The following DAB1 variants were observed in gnomAD, a reference collection of about 807,000 sequenced individuals.
DAB1 encodes disabled homolog 1.
A neutral mutation model predicts 64.6 loss-of-function variants in DAB1; 15 were observed. The ratio of observed to expected loss-of-function variants is 0.23; its 90% CI spans 0.16 to 0.36. The LOEUF is 0.36. DAB1 is among the 10% of genes least tolerant of loss of function. The pLI is 1.00. For synonymous variants in DAB1, 235 were observed against 251.9 expected (o/e 0.93, Z 0.64); for missense variants, 596 against 706.7 (o/e 0.84, Z 1.78).
At chr1:58,222,033 T>C (rs1051404968) in intron 4 of DAB1, among the ~76,000 whole-genome samples, 3 of 152,168 alleles carry the variant, frequency 2.0e-5, no homozygotes, top group Non-Finnish European at 4.4e-5. Flanking sequence ...TTTAATCCAT[T>C]AGAATATGCT....
At chr1:57,094,821 G>A (rs906879954) in intron 4 of DAB1, among the ~76,000 whole-genome samples, 1 of 152,042 alleles carries the variant, frequency 6.6e-6, no homozygotes, top group Non-Finnish European at 1.5e-5. Flanking sequence ...AGGCCAGTAG[G>A]AAGTCAGGAG....
intron 4 of DAB1, among the ~76,000 whole-genome samples, chr1:58,242,846 T>C (rs927247999): frequency 4.6e-5 from 7 of 151,720 alleles, no homozygotes; most frequent in Non-Finnish European, 7.4e-5. Context: ...GAAATGAACA[T>C]GGGGAATTAA....
At chr1:58,502,632 G>A (rs1288151627) in intron 3 of DAB1, among the ~76,000 whole-genome samples, 1 of 152,160 alleles carries the variant, frequency 6.6e-6, no homozygotes, top group Non-Finnish European at 1.5e-5. Flanking sequence ...TGTAGTAGTA[G>A]TATACAGACT....
chr1:58,180,513 T>C (rs1656736054), intron 4 of DAB1, among the ~76,000 whole-genome samples: 1 of 151,964 alleles, frequency 6.6e-6, no homozygotes, highest in Admixed American at 6.6e-5. Flanking sequence ...CAGGCTGGTC[T>C]CAAACTTCTG....
chr1:58,048,462 C>G (rs1570276392), intron 5 of DAB1: 1 of 1,171,474 alleles, frequency 8.5e-7, no homozygotes, highest in East Asian at 2.3e-5. Context: ...TAGCCACTGC[C>G]CTGGTTTCCA....
chr1:57,385,247 A>G (rs1681716893), intron 1 of DAB1, among the ~76,000 whole-genome samples: 1 of 152,240 alleles, frequency 6.6e-6, no homozygotes, highest in African/African-American at 2.4e-5. Flanking sequence ...GGAAAAAGAG[A>G]AATAGGACAA....
At chr1:57,818,498 A>G (rs186826239) in intron 6 of DAB1, among the ~76,000 whole-genome samples, 7 of 152,256 alleles carry the variant, frequency 4.6e-5, no homozygotes, top group African/African-American at 1.7e-4. Flanking sequence ...AATACTGGAT[A>G]ATATTGACAG....
intron 3 of DAB1, among the ~76,000 whole-genome samples, chr1:58,446,308 A>T (rs1322788645): frequency 1.3e-5 from 2 of 152,040 alleles, no homozygotes; most frequent in Non-Finnish European, 2.9e-5. Flanking sequence ...ATGAATGAAT[A>T]AATAAATTTC....
intron 7 of DAB1, among the ~76,000 whole-genome samples, chr1:57,536,744 C>A (rs958667467): frequency 4.6e-5 from 7 of 151,688 alleles, no homozygotes; most frequent in Non-Finnish European, 7.4e-5. Flanking sequence ...AAACTCCTTT[C>A]CTGCACTGCT....
chr1:57,805,346 G>A (rs1052091352), intron 6 of DAB1, among the ~76,000 whole-genome samples: 2 of 152,102 alleles, frequency 1.3e-5, no homozygotes, highest in Non-Finnish European at 2.9e-5. Flanking sequence ...ATTCACCAAG[G>A]TTTCACTAAT....
chr1:57,884,638 C>T (rs1002193288), upstream of DAB1, among the ~76,000 whole-genome samples: 2 of 152,138 alleles, frequency 1.3e-5, no homozygotes, highest in Non-Finnish European at 2.9e-5. Context: ...ATTTTACATG[C>T]TCTTCAGAAA....
At chr1:57,057,776 T>A (rs1337692088) in intron 9 of DAB1, among the ~76,000 whole-genome samples, 1 of 39,728 alleles carries the variant, frequency 2.5e-5, no homozygotes, top group Admixed American at 3.1e-4. Flanking sequence ...CCTGGCTAAT[T>A]TTTTTGTATT....
chr1:57,489,761 C>G (rs17115871), intron 7 of DAB1, among the ~76,000 whole-genome samples: 3,023 of 152,300 alleles, frequency 0.02, 84 homozygotes, highest in East Asian at 0.14. Flanking sequence ...AGCCTTCTGT[C>G]TTTCTCAGAA....
chr1:58,520,803 G>T (rs902992408), intron 2 of DAB1, among the ~76,000 whole-genome samples: 29 of 151,946 alleles, frequency 1.9e-4, no homozygotes, highest in African/African-American at 7.0e-4. Flanking sequence ...CTTTTAAGAT[G>T]TACACGGCAA....
chr1:57,172,759 T>C (rs559550784), intron 2 of DAB1, among the ~76,000 whole-genome samples: 1 of 152,306 alleles, frequency 6.6e-6, no homozygotes, highest in Admixed American at 6.5e-5. Flanking sequence ...AAGGACAGTA[T>C]GAAGCCATTC....
At chr1:57,415,393 A>T (rs190686137) in intron 1 of DAB1, among the ~76,000 whole-genome samples, 1 of 152,022 alleles carries the variant, frequency 6.6e-6, no homozygotes, top group Non-Finnish European at 1.5e-5. Flanking sequence ...CAGAGTGGGA[A>T]AAAAAAGGCT....
chr1:58,149,528 G>A (rs1379687609), intron 5 of DAB1, among the ~76,000 whole-genome samples: 3 of 152,076 alleles, frequency 2.0e-5, no homozygotes, highest in African/African-American at 4.8e-5. Context: ...ACTAAACCGG[G>A]TTCATACAGG....
chr1:57,414,184 A>G (rs530205160), intron 1 of DAB1, among the ~76,000 whole-genome samples: 1 of 152,350 alleles, frequency 6.6e-6, no homozygotes, highest in South Asian at 2.1e-4. Flanking sequence ...TGTGGGTAAA[A>G]TACTGTCAAA....
chr1:57,228,811 T>C lies in DAB1; in HGVS notation c.67+62153A>G, dbSNP rs543902276. 7.2e-5 allele frequency among the ~76,000 whole-genome samples: 11 copies of C among 152,276 alleles called. No individual in the cohort carries two copies. The South Asian group carries it at 1.7e-3, about 23-fold the overall frequency. ...AGTTTTTTTTAAAAGCCCCATATTGTAAACTACCTAAAGTCTCGTAAACAG... is the reference window on the plus strand; with the variant it reads ...AGTTTTTTTTAAAAGCCCCATATTGCAAACTACCTAAAGTCTCGTAAACAG... On this transcript the variant is annotated intron_variant, in intron 2 of 14. Transcript: ENST00000371236.
Sources: allele counts gnomAD v4.1 joint callset (sites outside exome capture counted in the v4.1 genomes callset), GRCh38; gene constraint gnomAD v4.1.1; transcripts MANE v1.5; gene names NCBI Gene and HGNC (gene_info 2026-07-23, HGNC 2026-07-21).